The following DIAPH1 variants were observed in gnomAD, a reference collection of about 807,000 sequenced individuals.
The protein encoded by DIAPH1 is diaphanous related formin 1, also known as protein diaphanous homolog 1.
A neutral mutation model predicts 140.7 loss-of-function variants in DIAPH1; 46 were observed. That is an observed-to-expected ratio of 0.33 (90% CI 0.26 to 0.42). DIAPH1 has a LOEUF of 0.42. Among genes scored for constraint, DIAPH1 ranks in the 10% least tolerant of loss-of-function variants. The pLI is 1.00. For missense variants in DIAPH1, 1,310 were observed against 1,558.7 expected (o/e 0.84, Z 2.69); for synonymous variants, 565 against 551.6 (o/e 1.02, Z -0.34).
chr5:141,579,954 A>C (rs1254788423), intron 8 of DIAPH1, among the ~76,000 whole-genome samples: 2 of 152,072 alleles, frequency 1.3e-5, no homozygotes, highest in African/African-American at 2.4e-5. Flanking sequence ...TCTCAAAAAA[A>C]AAAAAGGAAA....
intron 18 of DIAPH1, chr5:141,550,379 C>G (rs2099891506): frequency 6.5e-6 from 1 of 154,354 alleles, no homozygotes; most frequent in Non-Finnish European, 1.5e-5. Context: ...GACAGCTCAC[C>G]TCTTCCTCTT....
chr5:141,578,100 G>A, intron 11 of DIAPH1, 125 bp downstream of exon 11: 3 of 809,016 alleles, frequency 3.7e-6, no homozygotes, highest in Non-Finnish European at 6.7e-6. Flanking sequence ...CTTATTTAAT[G>A]AGAAGACACA....
chr5:141,607,511 TCAC>T (rs1469292239), intron 1 of DIAPH1, among the ~76,000 whole-genome samples: 1 of 152,222 alleles, frequency 6.6e-6, no homozygotes, highest in Non-Finnish European at 1.5e-5. Flanking sequence ...GTACTTACTG[TCAC>T]CACCACTTAT....
chr5:141,578,937 G>A (rs752135225), intron 9 of DIAPH1, 151 bp downstream of exon 9: 31 of 751,676 alleles, frequency 4.1e-5, no homozygotes, highest in Non-Finnish European at 7.2e-5. Context: ...TTCTTAGAAA[G>A]AAGGTTAATC....
intron 1 of DIAPH1, among the ~76,000 whole-genome samples, chr5:141,602,344 T>C (rs2099900280): frequency 6.6e-6 from 1 of 152,076 alleles, no homozygotes; most frequent in African/African-American, 2.4e-5. Context: ...GCCTCCCGAG[T>C]AGCTGGAACT....
intron 1 of DIAPH1, among the ~76,000 whole-genome samples, chr5:141,598,951 T>C (rs1410657229): frequency 1.3e-5 from 2 of 152,212 alleles, no homozygotes; most frequent in African/African-American, 4.8e-5. Flanking sequence ...AGTAACAGAA[T>C]TCAATCTATT....
chr5:141,588,273 G>A lies in DIAPH1; in HGVS notation c.118-23C>T, dbSNP rs201572988. Reference sequence around the variant, plus strand: ...AGTCTAGGAAACAGGAAAAAGGAGGGAGAAGAAAGAAGAGAAATCAGTGAA... The same window carrying A: ...AGTCTAGGAAACAGGAAAAAGGAGGAAGAAGAAAGAAGAGAAATCAGTGAA... On this transcript the variant is annotated intron_variant, in intron 1 of 27. Coordinates refer to ENST00000389054, the MANE Select transcript of DIAPH1 (RefSeq NM_005219.5). The A allele has an allele frequency of 4.1e-5, 66 of 1,601,736 alleles. No individual in the cohort carries two copies. The African/African-American group carries it at 7.5e-4, about 18-fold the overall frequency.
chr5:141,587,007 A>G (rs1237895047), intron 3 of DIAPH1, 35 bp downstream of exon 3: 7 of 1,613,066 alleles, frequency 4.3e-6, no homozygotes, highest in South Asian at 1.1e-5. Flanking sequence ...ATAAATGCAC[A>G]GGAAGAAGCA....
chr5:141,616,009 T>G (rs148114873), intron 1 of DIAPH1, among the ~76,000 whole-genome samples: 1 of 152,312 alleles, frequency 6.6e-6, no homozygotes, highest in East Asian at 1.9e-4. Context: ...TCCTTCATCT[T>G]AAGGACTTGT....
At position 141,516,754 on chromosome 5, in the gene DIAPH1, A is replaced by C; in HGVS notation, c.*97T>G. On this transcript the variant is annotated 3_prime_UTR_variant, in exon 28 of 28. Coordinates refer to ENST00000389054, the MANE Select transcript of DIAPH1 (RefSeq NM_005219.5). ...CAGGGTCAGGGTGGTGGGAGTGGCC[A>C]CCCCAGAGGAATATCCCCTTGAGCC... 2.3e-5 allele frequency: 33 copies of C among 1,431,342 alleles called. No homozygotes were observed. Among genetic ancestry groups the C allele is most frequent in the Non-Finnish European group, 3.0e-5 (31 of 1,027,522 alleles). The allele number at this position is 1,431,342 out of a possible 1,614,324, so 88.7% of individuals were successfully genotyped here. A position where few individuals can be genotyped will look rare whatever the true frequency, so the allele number is the denominator to read the frequency against.
intron 1 of DIAPH1, among the ~76,000 whole-genome samples, chr5:141,614,062 G>GA: frequency 6.6e-6 from 1 of 152,248 alleles, no homozygotes; most frequent in East Asian, 1.9e-4. Context: ...AGCATAAAAT[G>GA]AATTTTTTGC....
Position 141,582,354 on chromosome 5 carries a change from C to G in DIAPH1, c.642G>C (p.Lys214Asn). 1 of 1,613,766 alleles carries G rather than the reference C, an allele frequency of 6.2e-7. No homozygotes were observed. The highest frequency in any genetic ancestry group is 8.5e-7 in the Non-Finnish European group (1 of 1,179,690). The change falls in exon 7 of 28, where the codon AAG becomes AAC. Residue 214 changes from lysine to asparagine, a missense_variant. Lys to Asn is a moderately conservative substitution (Grantham distance 94, BLOSUM62 0). Around this residue, in one of 3 missense-constraint regions of DIAPH1, gnomAD observed 377 missense variants for 497.1 expected, o/e 0.76. Coordinates refer to ENST00000389054, the MANE Select transcript of DIAPH1 (RefSeq NM_005219.5). The part of the protein sequence containing the change: ...ETAGSYDSRN[K>N]HEIIRCLKAF... Reference sequence around the variant, plus strand: ...CTTTCAAGCAGCGAATGATCTCATGCTTGTTCCGGCTATCGTAACTCCTGT... The same window carrying G: ...CTTTCAAGCAGCGAATGATCTCATGGTTGTTCCGGCTATCGTAACTCCTGT...
chr5:141,523,468 T>G (rs1049688377), intron 27 of DIAPH1, among the ~76,000 whole-genome samples: 1 of 152,216 alleles, frequency 6.6e-6, no homozygotes, highest in Admixed American at 6.5e-5. Context: ...CTGGATCACT[T>G]GTCCTAGCTC....
intron 18 of DIAPH1, chr5:141,560,631 C>CT (rs2099893383): frequency 1.0e-4 from 18 of 179,158 alleles, no homozygotes; most frequent in South Asian, 4.5e-4. Flanking sequence ...GTACCTTCAT[C>CT]TTTTTTTTAG....
intron 1 of DIAPH1, among the ~76,000 whole-genome samples, chr5:141,598,670 C>T (rs1320606374): frequency 2.6e-5 from 4 of 151,998 alleles, no homozygotes; most frequent in Non-Finnish European, 5.9e-5. Context: ...TTAGAAACTT[C>T]CTAGATACTT....
intron 1 of DIAPH1, among the ~76,000 whole-genome samples, chr5:141,610,357 G>A (rs901316986): frequency 6.6e-6 from 1 of 151,194 alleles, no homozygotes; most frequent in Non-Finnish European, 1.5e-5. Flanking sequence ...CTGGAGTGCA[G>A]TGGCACAACC....
rs540901579 is a variant in DIAPH1 at position 141,554,290 on chromosome 5, C to A, written c.2482+17138G>T. Among the ~76,000 whole-genome samples, 29 of 151,712 alleles carry A rather than the reference C, an allele frequency of 1.9e-4. No homozygotes were observed. The South Asian group carries it at 4.6e-3, about 24-fold the overall frequency. On this transcript the variant is annotated intron_variant, in intron 18 of 27. Transcript: ENST00000389054. ...AAAACTCCATCCCCACCCGCTCCCC[C>A]CAAAAAAAGGAATAATATCATACAA... is the stretch of plus-strand genomic sequence containing the variant.
At chr5:141,524,837 A>G (rs777255053) in intron 26 of DIAPH1, 12 of 157,296 alleles carry the variant, frequency 7.6e-5, no homozygotes, top group Non-Finnish European at 1.6e-4. Context: ...TGAAACTGTG[A>G]AATCCCAAAA....
rs139201258 is a variant in DIAPH1 at position 141,528,202 on chromosome 5, A to T, written c.3148+251T>A. On this transcript the variant is annotated intron_variant, in intron 23 of 27. Transcript: ENST00000389054. ...AGAACTATTAACCTAGACTAAAAACACCTGCCTTTCTAGCTGTTTTTTGGT... is the reference window on the plus strand; with the variant it reads ...AGAACTATTAACCTAGACTAAAAACTCCTGCCTTTCTAGCTGTTTTTTGGT... Among the ~76,000 whole-genome samples the T allele has an allele frequency of 5.9e-5, 9 of 152,302 alleles. No homozygotes were observed. In the East Asian group the frequency reaches 1.7e-3, roughly 29 times the overall value.
Sources: gnomAD v4.1 joint callset for allele counts (sites outside exome capture counted in the v4.1 genomes callset) on GRCh38, gnomAD v4.1.1 for gene constraint, gnomAD v4.1.1 regional missense constraint, MANE v1.5 for transcripts, NCBI Gene and HGNC (gene_info 2026-07-23, HGNC 2026-07-21) for gene names.